CDHR2: variants seen among roughly 807,000 people sequenced by gnomAD.
CDHR2 encodes the protein cadherin related family member 2.
In CDHR2, 104 loss-of-function variants were observed where a neutral mutation model predicts 138.6. The observed-to-expected ratio is 0.75, with a 90% CI of 0.64 to 0.88. The LOEUF (loss-of-function observed/expected upper bound fraction) is 0.88. Among genes scored for constraint, CDHR2 ranks in the 40% least tolerant of loss-of-function variants. The probability of loss-of-function intolerance (pLI) is 0.00; values close to 1 mark genes in which losing one functional copy is unlikely to be tolerated. For missense variants in CDHR2, 1,624 were observed against 1,727.6 expected (o/e 0.94, Z 1.06); for synonymous variants, 755 against 742.8 (o/e 1.02, Z -0.27).
chr5:176,557,014 CTCTTT>C (rs1392195494), intron 1 of CDHR2, among the ~76,000 whole-genome samples: 47 of 84,154 alleles, frequency 5.6e-4, no homozygotes, highest in Admixed American at 1.1e-3. Context: ...CTCTCTCTCT[CTCTTT>C]TTTTTTTTTT....
intron 6 of CDHR2, among the ~76,000 whole-genome samples, chr5:176,572,114 T>C (rs1159541719): frequency 6.6e-6 from 1 of 151,414 alleles, no homozygotes; most frequent in Non-Finnish European, 1.5e-5. Flanking sequence ...CCGGGTGCCG[T>C]GGCTCACTCC....
At position 176,584,761 on chromosome 5, in the gene CDHR2, AGG is replaced by A; in HGVS notation, c.2481_2482del (p.Gln827HisfsTer61). ...GCTGAGAATGGCTCACAGCACGGCC[AGG>A]TGGCTGTGGTGGTTGCCTCGGATGT... On this transcript the variant is annotated frameshift_variant, in exon 19 of 32. Coordinates refer to ENST00000261944, the MANE Select transcript of CDHR2 (RefSeq NM_017675.6). LOFTEE classifies it high-confidence loss of function. The A allele has an allele frequency of 6.2e-7, 1 of 1,614,222 alleles. No individual in the cohort carries two copies. Among genetic ancestry groups the A allele is most frequent in the South Asian group, 1.1e-5 (1 of 91,088 alleles).
Position 176,584,999 on chromosome 5 carries a change from G to A in CDHR2, c.2718G>A (p.Gln906=). 1 of 1,545,694 alleles carries A rather than the reference G, an allele frequency of 6.5e-7. No individual in the cohort carries two copies. Among genetic ancestry groups the A allele is most frequent in the Non-Finnish European group, 8.8e-7 (1 of 1,141,682 alleles). The change falls in exon 19 of 32, where the codon CAG becomes CAA. Residue 906 remains glutamine (Q), a synonymous_variant. Transcript: ENST00000261944. ...ACDLATDPGF[Q]AYSNNGSLLI... ...ACCTAGCCACGGACCCCGGCTTCCA[G>A]GCCTACAGCAACAATGGTAAGGCAG...
At chr5:176,593,017 G>C (rs1758926368) in intron 31 of CDHR2, among the ~76,000 whole-genome samples, 1 of 152,194 alleles carries the variant, frequency 6.6e-6, no homozygotes, top group South Asian at 2.1e-4. Flanking sequence ...TGTAAATGGG[G>C]ATGGGAACAT....
chr5:176,573,124 G>T (rs1298564117), intron 6 of CDHR2, among the ~76,000 whole-genome samples: 1 of 152,182 alleles, frequency 6.6e-6, no homozygotes, highest in Non-Finnish European at 1.5e-5. Flanking sequence ...CAGGCAGGGG[G>T]AACAACAGGT....
upstream of CDHR2, among the ~76,000 whole-genome samples, chr5:176,548,927 C>T (rs1478626143): frequency 6.6e-6 from 1 of 152,124 alleles, no homozygotes; most frequent in Non-Finnish European, 1.5e-5. Flanking sequence ...CTGGTCTGGC[C>T]ACACAGTGTT....
At chr5:176,592,846 C>A (rs1758922637) in intron 31 of CDHR2, 66 bp downstream of exon 31, 2 of 1,397,500 alleles carry the variant, frequency 1.4e-6, no homozygotes, top group South Asian at 1.2e-5. Flanking sequence ...GGCTTCAGGG[C>A]AGAGCTCAAG....
At chr5:176,551,719 T>TTTTTTG (rs1757708525) in intron 1 of CDHR2, among the ~76,000 whole-genome samples, 1 of 149,806 alleles carries the variant, frequency 6.7e-6, no homozygotes, top group South Asian at 2.1e-4. Context: ...TTTTTTTTTT[T>TTTTTTG]GAGACAGAGT....
rs762100290 is a variant in CDHR2 at position 176,581,554 on chromosome 5, C to T, written c.2030C>T (p.Thr677Ile). The change falls in exon 17 of 32, where the codon ACC becomes ATC. Residue 677 changes from threonine (T) to isoleucine (I), a missense_variant. By Grantham distance (89) the Thr-to-Ile change is moderately conservative (BLOSUM62 -1). Coordinates refer to ENST00000261944, the MANE Select transcript of CDHR2 (RefSeq NM_017675.6). ...VSDCGEPVLG[T>I]KVNVTITVED... ...GACTGCGGCGAGCCTGTCCTCGGCA[C>T]CAAAGTCAATGTCACCATCACTGTG... The T allele has an allele frequency of 1.2e-6, 2 of 1,614,026 alleles. No homozygotes were observed. The highest frequency in any genetic ancestry group is 2.2e-5 in the East Asian group (1 of 44,886).
intron 17 of CDHR2, among the ~76,000 whole-genome samples, chr5:176,582,426 A>G (rs550624684): frequency 6.6e-6 from 1 of 152,166 alleles, no homozygotes; most frequent in East Asian, 1.9e-4. Context: ...ACTCAGCCTC[A>G]CAAAATGCTG....
chr5:176,548,416 C>T (rs771719504), upstream of CDHR2, among the ~76,000 whole-genome samples: 9 of 152,310 alleles, frequency 5.9e-5, no homozygotes, highest in East Asian at 3.9e-4. Flanking sequence ...TGAGCCCCTT[C>T]GGGAGGCCAC....
intron 1 of CDHR2, among the ~76,000 whole-genome samples, chr5:176,552,707 G>A (rs949606985): frequency 6.6e-6 from 1 of 152,232 alleles, no homozygotes; most frequent in Non-Finnish European, 1.5e-5. Context: ...TCATGAGGAG[G>A]CAGGACTGCG....
chr5:176,548,773 C>A (rs1757641753), upstream of CDHR2, among the ~76,000 whole-genome samples: 1 of 151,804 alleles, frequency 6.6e-6, no homozygotes, highest in Admixed American at 6.6e-5. Flanking sequence ...AAAAAAAAGG[C>A]AACTTGGGAG....
chr5:176,579,197 G>T (rs1196702285), intron 16 of CDHR2, among the ~76,000 whole-genome samples: 1 of 152,180 alleles, frequency 6.6e-6, no homozygotes, highest in African/African-American at 2.4e-5. Flanking sequence ...CGCCCCTGAG[G>T]CATCTTGTGA....
Position 176,584,793 on chromosome 5 carries a change from A to G in CDHR2, c.2512A>G (p.Thr838Ala), listed in dbSNP as rs754578954. The change falls in exon 19 of 32, where the codon ACC (threonine) becomes GCC (alanine). Residue 838 changes from threonine to alanine, a missense_variant. Physicochemically the swap from Thr to Ala is moderately conservative, Grantham distance 58 (BLOSUM62 0). Transcript: ENST00000261944. ...VAVVVASDVD[T>A]SAQLEIQLVN... ...TGTGGTGGTTGCCTCGGATGTGGACACCAGTGCCCAGCTGGAGATACAGCT... is the reference window on the plus strand; with the variant it reads ...TGTGGTGGTTGCCTCGGATGTGGACGCCAGTGCCCAGCTGGAGATACAGCT... 2 of 1,614,044 alleles carry G rather than the reference A, an allele frequency of 1.2e-6. No homozygotes were observed. The highest frequency in any genetic ancestry group is 3.3e-5 in the Admixed American group (2 of 59,998).
intron 7 of CDHR2, 36 bp downstream of exon 7, chr5:176,574,208 C>T (rs767484383): frequency 1.4e-5 from 21 of 1,468,768 alleles, no homozygotes; most frequent in East Asian, 6.8e-5. Flanking sequence ...CCTTTGTGAC[C>T]GCCAGGGGGC....
chr5:176,589,415 C>G lies in CDHR2; in HGVS notation c.3094C>G (p.Leu1032Val). Residue 1032 changes from leucine (L) to valine (V), a missense_variant, in exon 23 of 32, where the codon CTG (leucine) becomes GTG (valine). By Grantham distance (32) the Leu-to-Val change is conservative. Coordinates refer to ENST00000261944, the MANE Select transcript of CDHR2 (RefSeq NM_017675.6). ...GGACAGACCTTCCTTGGGTCCTTTC[C>G]TGGAAGCCACCACCACCCTGAATGT... ...ARDRPSLGPF[L>V]EATTTLNLFT... is the part of the protein sequence containing the mutation. The G allele has an allele frequency of 6.3e-7, 1 of 1,587,634 alleles. No homozygotes were observed. Among genetic ancestry groups the G allele is most frequent in the Non-Finnish European group, 8.6e-7 (1 of 1,164,902 alleles).
chr5:176,544,864 T>C (rs1264767998), upstream of CDHR2, among the ~76,000 whole-genome samples: 2 of 152,026 alleles, frequency 1.3e-5, no homozygotes. Flanking sequence ...CCGGGGATGA[T>C]TGGGAAGTTG....
intron 8 of CDHR2, 26 bp downstream of exon 8, chr5:176,575,235 C>T (rs1436470750): frequency 2.5e-6 from 4 of 1,613,996 alleles, no homozygotes; most frequent in East Asian, 2.2e-5. Context: ...GGCAGGCGGG[C>T]CTAGGACCCA....
Sources: gnomAD v4.1 joint callset for allele counts (sites outside exome capture counted in the v4.1 genomes callset) on GRCh38, gnomAD v4.1.1 for gene constraint, MANE v1.5 for transcripts, NCBI Gene and HGNC (gene_info 2026-07-23, HGNC 2026-07-21) for gene names.